The following STXBP6 variants were observed in gnomAD, a reference collection of about 807,000 sequenced individuals.
STXBP6 encodes the protein syntaxin binding protein 6, also known as syntaxin-binding protein 6.
In STXBP6, 21 loss-of-function variants were observed where a neutral mutation model predicts 26.9. That is an observed-to-expected ratio of 0.78 (90% CI 0.55 to 1.12). The LOEUF is 1.12. STXBP6 is among the 50% of genes most tolerant of loss of function. The probability of loss-of-function intolerance (pLI) is 0.00; values close to 1 mark genes in which losing one functional copy is unlikely to be tolerated. For missense variants in STXBP6, 232 were observed against 257.9 expected (o/e 0.90, Z 0.69); for synonymous variants, 97 against 92.6 (o/e 1.05, Z -0.27).
intron 2 of STXBP6, among the ~76,000 whole-genome samples, chr14:24,898,507 T>C (rs765652775): frequency 4.9e-4 from 75 of 152,038 alleles, no homozygotes; most frequent in Non-Finnish European, 8.7e-4. Flanking sequence ...TGGAACCCCA[T>C]CTCTACTAAA....
At chr14:24,822,051 G>A (rs527661940) in intron 4 of STXBP6, among the ~76,000 whole-genome samples, 23 of 152,160 alleles carry the variant, frequency 1.5e-4, no homozygotes, top group African/African-American at 4.3e-4. Context: ...TCTTTCACTA[G>A]GTCATGCTGC....
intron 2 of STXBP6, among the ~76,000 whole-genome samples, chr14:24,921,599 T>C (rs975747387): frequency 3.9e-5 from 6 of 152,110 alleles, no homozygotes; most frequent in African/African-American, 1.4e-4. Flanking sequence ...GGCATTAAGA[T>C]AACAGGAGCT....
At chr14:24,900,901 C>T (rs1362768794) in intron 2 of STXBP6, among the ~76,000 whole-genome samples, 1 of 152,102 alleles carries the variant, frequency 6.6e-6, no homozygotes, top group African/African-American at 2.4e-5. Flanking sequence ...TAAATGATAA[C>T]CAACAAAGTC....
chr14:24,961,580 G>C (rs139370153), intron 2 of STXBP6, among the ~76,000 whole-genome samples: 1 of 152,206 alleles, frequency 6.6e-6, no homozygotes, highest in Admixed American at 6.5e-5. Flanking sequence ...ACTTATAAGT[G>C]AGAGCTAAAC....
At chr14:24,951,773 C>A (rs547130376) in intron 2 of STXBP6, among the ~76,000 whole-genome samples, 4 of 151,986 alleles carry the variant, frequency 2.6e-5, no homozygotes, top group African/African-American at 9.7e-5. Flanking sequence ...CCAAACTGTT[C>A]AAACAGACAG....
intron 2 of STXBP6, among the ~76,000 whole-genome samples, chr14:24,973,823 T>C (rs1463532013): frequency 6.6e-5 from 10 of 152,236 alleles, no homozygotes; most frequent in South Asian, 6.2e-4. Context: ...TGATCAAAGG[T>C]TTAATTTTTT....
At chr14:24,818,156 CA>C (rs2068035253) in intron 5 of STXBP6, 1 of 456,592 alleles carries the variant, frequency 2.2e-6, no homozygotes, top group Middle Eastern at 3.3e-4. Context: ...GACATGCCAA[CA>C]CAAGTCATCA....
intron 4 of STXBP6, among the ~76,000 whole-genome samples, chr14:24,827,679 T>C (rs1209691662): frequency 1.3e-5 from 2 of 152,222 alleles, no homozygotes; most frequent in African/African-American, 4.8e-5. Flanking sequence ...TGGACAAAGA[T>C]AGTAGCCTGG....
Position 25,050,058 on chromosome 14 carries a change from A to C in STXBP6, c.-213T>G. On this transcript the variant is annotated 5_prime_UTR_variant, in exon 1 of 6. Coordinates refer to ENST00000323944, the MANE Select transcript of STXBP6 (RefSeq NM_001394410.1). Reference sequence around the variant, plus strand: ...GCCGGCTCCTGCTGCCGCGCGCGAAAAGGGAGGGGTTGGGGGGAAACTCCC... The same window carrying C: ...GCCGGCTCCTGCTGCCGCGCGCGAACAGGGAGGGGTTGGGGGGAAACTCCC... The C allele has an allele frequency of 5.6e-6, 1 of 179,736 alleles. No individual in the cohort carries two copies. Among genetic ancestry groups the C allele is most frequent in the Non-Finnish European group, 1.1e-5 (1 of 93,588 alleles). The allele number at this position is 179,736 out of a possible 1,614,324, so 11.1% of individuals were successfully genotyped here.
chr14:25,001,165 T>A (rs1566551590), intron 1 of STXBP6, among the ~76,000 whole-genome samples: 1 of 152,212 alleles, frequency 6.6e-6, no homozygotes, highest in Admixed American at 6.5e-5. Context: ...TTTTTGCCTC[T>A]GCCTTTGATG....
rs148087986 is a variant in STXBP6 at position 24,814,077 on chromosome 14, G to A, written c.610-1345C>T. ...TCCACAGATCTTCTGCAATGCTAAC[G>A]CCAATAGTCAGTCAACTGTCAGACA... On this transcript the variant is annotated intron_variant, in intron 5 of 5. Coordinates refer to ENST00000323944, the MANE Select transcript of STXBP6 (RefSeq NM_001394410.1). 3.9e-4 allele frequency among the ~76,000 whole-genome samples: 60 copies of A among 152,276 alleles called. 3 individuals are homozygous for A. In the East Asian group the frequency reaches 9.1e-3, roughly 23 times the overall value.
chr14:24,999,593 A>C (rs2074701315), intron 1 of STXBP6, among the ~76,000 whole-genome samples: 1 of 152,186 alleles, frequency 6.6e-6, no homozygotes, highest in African/African-American at 2.4e-5. Context: ...ATGTTACGGG[A>C]ATCCAAAGGG....
rs576050982 is a variant in STXBP6 at position 24,992,494 on chromosome 14, A to C, written c.-32-17644T>G. Among the ~76,000 whole-genome samples, 4 of 152,358 alleles carry C rather than the reference A, an allele frequency of 2.6e-5. No homozygotes were observed. In the South Asian group the frequency reaches 8.3e-4, roughly 32 times the overall value. ...GCAGGACCATAATCCAGGGGTCAGC[A>C]AATATAAAGGACCACTTAGTAAACA... On this transcript the variant is annotated intron_variant, in intron 1 of 5. Coordinates refer to ENST00000323944, the MANE Select transcript of STXBP6 (RefSeq NM_001394410.1).
chr14:24,905,985 T>C (rs908792371), intron 2 of STXBP6, among the ~76,000 whole-genome samples: 4 of 152,166 alleles, frequency 2.6e-5, no homozygotes, highest in African/African-American at 4.8e-5. Flanking sequence ...AAACTTTGAG[T>C]AGAAAAAAAG....
chr14:24,920,969 T>C (rs1359104446), intron 2 of STXBP6, among the ~76,000 whole-genome samples: 1 of 152,102 alleles, frequency 6.6e-6, no homozygotes, highest in East Asian at 1.9e-4. Flanking sequence ...GTGTTGGATG[T>C]ATTGCTGACT....
chr14:24,974,795 G>A lies in STXBP6; in HGVS notation c.24C>T (p.Ser8=), dbSNP rs922702443. MSAKSAI[S]KEIFAPLDER... ...CATCAAGAGGTGCAAAAATTTCCTT[G>A]CTGATAGCAGATTTGGCACTCATTG... is the stretch of plus-strand genomic sequence containing the variant. The change falls in exon 2 of 6, where the codon AGC becomes AGT. Residue 8 remains serine, a synonymous_variant. Transcript: ENST00000323944. 2.5e-6 allele frequency: 4 copies of A among 1,608,922 alleles called. No homozygotes were observed. The African/African-American group carries it at 5.3e-5, about 21-fold the overall frequency.
At position 24,869,822 on chromosome 14, in the gene STXBP6, G is replaced by T. The variant is rs2069863614; in HGVS notation, c.155-12665C>A. On this transcript the variant is annotated intron_variant, in intron 2 of 5. Transcript: ENST00000323944. Reference sequence around the variant, plus strand: ...AATCAGAGAACAGTCACCAGATTGAGCATTACTCTATGACAGAGAGAAGCT... The same window carrying T: ...AATCAGAGAACAGTCACCAGATTGATCATTACTCTATGACAGAGAGAAGCT... Among the ~76,000 whole-genome samples, 3 of 152,154 alleles carry T rather than the reference G, an allele frequency of 2.0e-5. 1 individual carries two copies. The South Asian group carries it at 6.2e-4, about 32-fold the overall frequency.
intron 2 of STXBP6, among the ~76,000 whole-genome samples, chr14:24,974,114 AAAC>A (rs1021288307): frequency 1.3e-5 from 2 of 152,174 alleles, no homozygotes; most frequent in African/African-American, 4.8e-5. Context: ...GAAAAAAAAA[AAAC>A]AAGATTCAAA....
intron 1 of STXBP6, among the ~76,000 whole-genome samples, chr14:25,009,404 G>A (rs2140370056): frequency 6.6e-6 from 1 of 152,182 alleles, no homozygotes; most frequent in Non-Finnish European, 1.5e-5. Flanking sequence ...ATCTCAAAAT[G>A]AGGCATAAAT....
Sources: gnomAD v4.1 joint callset for allele counts (sites outside exome capture counted in the v4.1 genomes callset) on GRCh38, gnomAD v4.1.1 for gene constraint, MANE v1.5 for transcripts, NCBI Gene and HGNC (gene_info 2026-07-23, HGNC 2026-07-21) for gene names.